TF: variants seen among roughly 807,000 people sequenced by gnomAD.
TF encodes the protein serotransferrin.
In TF, 55 loss-of-function variants were observed where a neutral mutation model predicts 82.4. The ratio of observed to expected loss-of-function variants is 0.67; its 90% CI spans 0.54 to 0.84. The LOEUF is 0.84. Ranked by LOEUF, TF falls within the 40% of genes least tolerant of loss-of-function variation. The pLI is 0.00. For synonymous variants in TF, 332 were observed against 332.6 expected (o/e 1.00, Z 0.02); for missense variants, 737 against 868.4 (o/e 0.85, Z 1.90).
At chr3:133,732,369 C>T in the TF span, among the ~76,000 whole-genome samples, 4 of 152,092 alleles carry the variant, frequency 2.6e-5, no homozygotes, top group Non-Finnish European at 2.9e-5. Flanking sequence ...GCTGTCAAAA[C>T]GGACCAATCA....
the TF span, among the ~76,000 whole-genome samples, chr3:133,677,268 T>G: frequency 6.6e-6 from 1 of 152,252 alleles, no homozygotes; most frequent in East Asian, 1.9e-4. Flanking sequence ...ATATGGCCAG[T>G]GCTTTTAGTG....
chr3:133,794,490 C>G lies in TF; in HGVS notation c.*15870C>G, dbSNP rs1934918625. 1 of 152,210 alleles carries G rather than the reference C, an allele frequency of 6.6e-6. No individual in the cohort carries two copies. Among genetic ancestry groups the G allele is most frequent in the Admixed American group, 6.5e-5 (1 of 15,284 alleles). The allele number at this position is 152,210 out of a possible 1,614,324, so 9.4% of individuals were successfully genotyped here. On this transcript the variant is annotated 3_prime_UTR_variant, in exon 17 of 17. Transcript: ENST00000402696. The stretch of plus-strand genomic sequence containing the variant: ...TTATAACACTAAGTTATTATGCCAC[C>G]AAGTATTTTCACAAGGTAAAGAAAG...
At chr3:133,746,971 C>T (rs1933519414) in intron 1 of TF, among the ~76,000 whole-genome samples, 1 of 152,186 alleles carries the variant, frequency 6.6e-6, no homozygotes, top group African/African-American at 2.4e-5. Flanking sequence ...GCCGGCTCCT[C>T]ACCAGGGAGG....
At chr3:133,692,478 C>T in the TF span, among the ~76,000 whole-genome samples, 5 of 152,162 alleles carry the variant, frequency 3.3e-5, no homozygotes, top group African/African-American at 9.7e-5. Flanking sequence ...TGGCTGGGTG[C>T]TGAAGCGCTC....
chr3:133,763,962 G>A lies in TF; in HGVS notation c.1204-220G>A, dbSNP rs41295788. On this transcript the variant is annotated intron_variant, in intron 9 of 16. Coordinates refer to ENST00000402696, the MANE Select transcript of TF (RefSeq NM_001063.4). ...GTCTTTGCTCTTGAACTAGGCACCT[G>A]GAGTTGATGATCAGTTCATGATGGT... 5.6e-3 allele frequency among the ~76,000 whole-genome samples: 858 copies of A among 152,326 alleles called. 12 individuals carry two copies. The highest frequency in any genetic ancestry group is 0.019 in the African/African-American group (810 of 41,578).
the TF span, among the ~76,000 whole-genome samples, chr3:133,716,340 C>T: frequency 9.2e-5 from 14 of 152,172 alleles, no homozygotes; most frequent in Non-Finnish European, 1.8e-4. Context: ...AAACTGAGCT[C>T]CTGAAACTCC....
the TF span, chr3:133,710,162 G>C: frequency 6.6e-6 from 1 of 152,552 alleles, no homozygotes; most frequent in Admixed American, 6.5e-5. Flanking sequence ...ATTCAGGGTG[G>C]TATGGCCGTA....
chr3:133,671,204 A>T, the TF span, among the ~76,000 whole-genome samples: 4 of 152,220 alleles, frequency 2.6e-5, no homozygotes, highest in Admixed American at 6.5e-5. Context: ...GGCTTAAATC[A>T]AGATGTCAGC....
At chr3:133,758,074 G>T in intron 8 of TF, 128 bp downstream of exon 8, 1 of 860,504 alleles carries the variant, frequency 1.2e-6, no homozygotes. Context: ...ACCTGTCTGT[G>T]AGCCCAGTGT....
chr3:133,746,198 C>A, upstream of TF: 1 of 597,410 alleles, frequency 1.7e-6, no homozygotes, highest in Non-Finnish European at 3.0e-6. Flanking sequence ...ATCAACATTT[C>A]TGTGCTGGAC....
chr3:133,763,017 T>C (rs1205396967), intron 9 of TF, among the ~76,000 whole-genome samples: 2 of 152,190 alleles, frequency 1.3e-5, no homozygotes, highest in Non-Finnish European at 2.9e-5. Context: ...GAGAGCAAAC[T>C]TGTGTCTGTC....
intron 3 of TF, chr3:133,753,958 G>T: frequency 1.7e-6 from 1 of 581,716 alleles, no homozygotes; most frequent in Admixed American, 2.9e-5. Context: ...AACACAGCAG[G>T]CTGTGTGCAG....
At chr3:133,669,333 C>A in the TF span, among the ~76,000 whole-genome samples, 1 of 152,246 alleles carries the variant, frequency 6.6e-6, no homozygotes, top group Non-Finnish European at 1.5e-5. Flanking sequence ...TGTTTCTTTA[C>A]TTGTCAAATA....
At chr3:133,704,298 C>T in the TF span, 16 of 228,510 alleles carry the variant, frequency 7.0e-5, no homozygotes, top group South Asian at 1.2e-3. Flanking sequence ...TGGTGCCTGT[C>T]CTGGCAGAGA....
chr3:133,778,392 G>T, intron 16 of TF, 194 bp from the exon 17 acceptor site: 1 of 533,702 alleles, frequency 1.9e-6, no homozygotes, highest in Non-Finnish European at 3.5e-6. Flanking sequence ...CTTTGGCGTG[G>T]GGCACTCCCC....
chr3:133,723,637 T>TTATTATTATTATTACTATTATTA, the TF span, among the ~76,000 whole-genome samples: 1 of 143,584 alleles, frequency 7.0e-6, no homozygotes, highest in African/African-American at 2.6e-5. Context: ...GTTTGGTTCT[T>TTATTATTATTATTACTATTATTA]TTATTATTAT....
intron 3 of TF, 183 bp downstream of exon 3, chr3:133,753,886 C>T: frequency 1.5e-6 from 1 of 674,380 alleles, no homozygotes; most frequent in Non-Finnish European, 2.7e-6. Context: ...GGGCTTTGGG[C>T]TGGCTGAGGA....
At chr3:133,755,617 C>A in intron 5 of TF, 122 bp downstream of exon 5, 1 of 1,389,680 alleles carries the variant, frequency 7.2e-7, no homozygotes, top group Non-Finnish European at 9.9e-7. Context: ...GGCCTAATCC[C>A]CTCCCAGTGA....
the TF span, among the ~76,000 whole-genome samples, chr3:133,664,133 G>A: frequency 4.6e-5 from 7 of 152,092 alleles, no homozygotes; most frequent in African/African-American, 1.7e-4. Flanking sequence ...GGAGCACTTG[G>A]GGTAGGGCTA....
Sources: gnomAD v4.1 joint callset for allele counts (sites outside exome capture counted in the v4.1 genomes callset) on GRCh38, gnomAD v4.1.1 for gene constraint, MANE v1.5 for transcripts, NCBI Gene and HGNC (gene_info 2026-07-23, HGNC 2026-07-21) for gene names.